Variants in BRD9 observed in about 807,000 individuals in gnomAD.
BRD9 encodes the protein bromodomain containing 9, also known as bromodomain-containing protein 9.
A neutral mutation model predicts 68.7 loss-of-function variants in BRD9; 47 were observed. The ratio of observed to expected loss-of-function variants is 0.68; its 90% CI spans 0.54 to 0.87. The LOEUF (loss-of-function observed/expected upper bound fraction) is 0.87. Among genes scored for constraint, BRD9 ranks in the 40% least tolerant of loss-of-function variants. The pLI is 0.00. For missense variants in BRD9, 670 were observed against 748.4 expected (o/e 0.90, Z 1.22); for synonymous variants, 313 against 293.9 (o/e 1.06, Z -0.67).
At chr5:888,023 T>C (rs907706962) in intron 5 of BRD9, among the ~76,000 whole-genome samples, 1 of 152,218 alleles carries the variant, frequency 6.6e-6, no homozygotes, top group Non-Finnish European at 1.5e-5. Flanking sequence ...GCCAGTTTCC[T>C]CAGCACAGGC....
At chr5:883,707 C>A (rs1045593989) in intron 8 of BRD9, 1 of 591,926 alleles carries the variant, frequency 1.7e-6, no homozygotes. Context: ...TCAGTGACCA[C>A]GTGGCCTCCA....
Position 891,703 on chromosome 5 carries a change from C to T in BRD9, c.204G>A (p.Lys68=), listed in dbSNP as rs1391861727. Residue 68 remains lysine, a synonymous_variant, in exon 2 of 16, where the codon AAG becomes AAA. Transcript: ENST00000467963. ...HERERHKEKK[K]KKKKKSEKEK... ...CCTTCTCGGACTTCTTCTTCTTCTT[C>T]TTTTTCTTTTCTTTGTGCCTCTCTC... 2.5e-5 allele frequency: 39 copies of T among 1,551,592 alleles called. No homozygotes were observed. The highest frequency in any genetic ancestry group is 1.1e-4 in the South Asian group (9 of 84,056).
chr5:876,717 CAAAAATGCATAGTCTTAGAATCAA>C (rs1750993683), intron 11 of BRD9, among the ~76,000 whole-genome samples: 1 of 152,148 alleles, frequency 6.6e-6, no homozygotes, highest in Non-Finnish European at 1.5e-5. Context: ...AGGCCAGGAA[CAAAAATGCATAGTCTTAGAATCAA>C]AGCACCAAGC....
intron 2 of BRD9, 67 bp downstream of exon 2, chr5:891,573 T>C (rs1309171356): frequency 6.6e-7 from 1 of 1,525,392 alleles, no homozygotes; most frequent in Non-Finnish European, 8.8e-7. Context: ...TCTGCCTGGG[T>C]CCTGGGACCA....
At chr5:864,616 G>A in intron 15 of BRD9, 48 bp from the exon 16 acceptor site, 1 of 1,532,728 alleles carries the variant, frequency 6.5e-7, no homozygotes, top group Non-Finnish European at 9.0e-7. Flanking sequence ...CAGACCCGCA[G>A]CACACGTGGG....
chr5:892,718 T>C lies in BRD9; in HGVS notation c.-61A>G, dbSNP rs1176933313. The C allele has an allele frequency of 1.5e-6, 2 of 1,294,534 alleles. No individual in the cohort carries two copies. The highest frequency in any genetic ancestry group is 3.2e-5 in the East Asian group (1 of 31,222). The allele number at this position is 1,294,534 out of a possible 1,614,324, so 80.2% of individuals were successfully genotyped here. ...GAACAGCTGGCACCCGGTCGGACCT[T>C]GGCCGCCACCGCCCCCTGGCCCTGG... On this transcript the variant is annotated 5_prime_UTR_variant, in exon 1 of 16. Transcript: ENST00000467963.
At chr5:883,678 C>T (rs1165501567) in intron 8 of BRD9, 1 of 553,568 alleles carries the variant, frequency 1.8e-6, no homozygotes, top group Non-Finnish European at 3.2e-6. Flanking sequence ...GCAGCAGGGC[C>T]TCCATCAAGG....
intron 1 of BRD9, 86 bp downstream of exon 1, chr5:892,520 C>T: frequency 6.7e-7 from 1 of 1,498,150 alleles, no homozygotes; most frequent in South Asian, 1.3e-5. Context: ...TCGCCCGGTG[C>T]CCAGGACCCC....
chr5:870,893 T>C (rs1467088350), intron 13 of BRD9, among the ~76,000 whole-genome samples: 1 of 152,210 alleles, frequency 6.6e-6, no homozygotes, highest in Non-Finnish European at 1.5e-5. Flanking sequence ...CACAGAATTT[T>C]AGGGTCCAGG....
At chr5:883,196 C>G (rs73733955) in intron 8 of BRD9, 7,055 of 389,902 alleles carry the variant, frequency 0.018, 408 homozygotes, top group African/African-American at 0.13. Flanking sequence ...GAAATGCCCC[C>G]ACTTCAGCGT....
chr5:869,310 A>C, intron 14 of BRD9: 1 of 456,184 alleles, frequency 2.2e-6, no homozygotes, highest in South Asian at 1.5e-5. Context: ...CAGAAATCTG[A>C]AGGTTGACAA....
intron 3 of BRD9, 110 bp downstream of exon 3, chr5:891,045 G>T: frequency 7.4e-7 from 1 of 1,351,234 alleles, no homozygotes; most frequent in Non-Finnish European, 9.8e-7. Flanking sequence ...GGAAATACCA[G>T]CTCTCCTCCC....
intron 12 of BRD9, 95 bp from the exon 13 acceptor site, chr5:871,659 T>C: frequency 1.7e-6 from 2 of 1,171,434 alleles, no homozygotes; most frequent in Non-Finnish European, 2.6e-6. Flanking sequence ...AAATGGCTTG[T>C]GCGCTTCTGC....
chr5:869,359 G>T, intron 14 of BRD9: 1 of 456,210 alleles, frequency 2.2e-6, no homozygotes, highest in East Asian at 6.9e-5. Flanking sequence ...ATTCCGATCC[G>T]ACTTTAGTAC....
chr5:869,117 C>T (rs1006634978), intron 14 of BRD9: 2 of 296,286 alleles, frequency 6.8e-6, no homozygotes, highest in African/African-American at 4.6e-5. Context: ...GTCAGGGAAA[C>T]ATCTGTAAAT....
intron 11 of BRD9, among the ~76,000 whole-genome samples, chr5:877,091 G>A (rs1025171520): frequency 3.3e-5 from 5 of 152,238 alleles, no homozygotes; most frequent in Admixed American, 6.5e-5. Flanking sequence ...GGAACCTGAT[G>A]CGTTCTAGGG....
intron 8 of BRD9, chr5:883,323 A>G: frequency 2.2e-6 from 1 of 456,808 alleles, no homozygotes; most frequent in Non-Finnish European, 4.4e-6. Context: ...TATAGAGGTG[A>G]AATGAAACCT....
chr5:883,533 C>T (rs1253855019), intron 8 of BRD9: 11 of 428,230 alleles, frequency 2.6e-5, no homozygotes, highest in African/African-American at 8.1e-5. Flanking sequence ...TGAACACAGT[C>T]GGTGGCCTAT....
chr5:870,075 T>C (rs1053694771), intron 14 of BRD9, among the ~76,000 whole-genome samples: 2 of 152,206 alleles, frequency 1.3e-5, no homozygotes, highest in African/African-American at 4.8e-5. Flanking sequence ...GTGGGAGCGA[T>C]GCAGAGGGGA....
Sources: gnomAD v4.1 joint callset for allele counts (sites outside exome capture counted in the v4.1 genomes callset) on GRCh38, gnomAD v4.1.1 for gene constraint, MANE v1.5 for transcripts, NCBI Gene and HGNC (gene_info 2026-07-23, HGNC 2026-07-21) for gene names.